The following PAXBP1 variants were observed in gnomAD, a reference collection of about 807,000 sequenced individuals.
The protein encoded by PAXBP1 is PAX3- and PAX7-binding protein 1.
Under a neutral mutation model 119.9 loss-of-function variants are expected in PAXBP1, and 44 were observed. The observed-to-expected ratio is 0.37, with a 90% CI of 0.29 to 0.47. The LOEUF is 0.47. Ranked by LOEUF, PAXBP1 falls within the 20% of genes least tolerant of loss-of-function variation. PAXBP1 has a pLI of 0.99. For synonymous variants in PAXBP1, 393 were observed against 406.6 expected (o/e 0.97, Z 0.40); for missense variants, 898 against 1,134.1 (o/e 0.79, Z 2.99).
At chr21:32,740,057 G>T (rs1399376175) in intron 15 of PAXBP1, among the ~76,000 whole-genome samples, 4 of 150,742 alleles carry the variant, frequency 2.7e-5, no homozygotes, top group Admixed American at 2.6e-4. Flanking sequence ...AATGGACTGT[G>T]AAAGGGAAAT....
In PAXBP1 at chr21:32,760,902, C is replaced by CGTGCGTGTGTGTGT. The variant is rs1491165069; in HGVS notation, c.975+156_975+157insACACACACACGCAC. On this transcript the variant is annotated intron_variant, in intron 5 of 17. Coordinates refer to ENST00000331923, the MANE Select transcript of PAXBP1 (RefSeq NM_016631.4). ...CTACGTGTCTCTGTGTGCGTGCGTGCGTGTGTGTGTGTGTGTGTGTGTGTG... is the reference window on the plus strand; with the variant it reads ...CTACGTGTCTCTGTGTGCGTGCGTGCGTGCGTGTGTGTGTGTGTGTGTGTGTGTGTGTGTGTGTG... Among the ~76,000 whole-genome samples, 57 of 127,786 alleles carry CGTGCGTGTGTGTGT rather than the reference C, an allele frequency of 4.5e-4. No homozygotes were observed. The East Asian group carries it at 7.4e-3, about 16-fold the overall frequency. 83.8% of individuals were successfully genotyped at this position (127,786 alleles called of 152,430 possible).
At chr21:32,752,763 C>T (rs529129038) in intron 8 of PAXBP1, among the ~76,000 whole-genome samples, 101 of 152,292 alleles carry the variant, frequency 6.6e-4, no homozygotes, top group African/African-American at 2.4e-3. Flanking sequence ...CCTCAGCCTC[C>T]TCCTGAGTAG....
intron 11 of PAXBP1, 93 bp from the exon 12 acceptor site, chr21:32,745,811 T>C: frequency 1.3e-6 from 2 of 1,499,642 alleles, no homozygotes; most frequent in Non-Finnish European, 1.8e-6. Flanking sequence ...GATTTAACCT[T>C]TGGTTGCAAA....
Position 32,743,717 on chromosome 21 carries a change from G to A in PAXBP1, c.2228C>T (p.Thr743Ile). The change falls in exon 14 of 18, where the codon ACT (threonine) becomes ATT (isoleucine). Residue 743 changes from threonine (T) to isoleucine (I), a missense_variant. Coordinates refer to ENST00000331923, the MANE Select transcript of PAXBP1 (RefSeq NM_016631.4). ...GGGCATAAATACATCATCATCTAAA[G>A]TTCTTCTCATTCTCAATAAAAGTGC... is the stretch of plus-strand genomic sequence containing the variant. ...LKALLLRMRR[T>I]LDDDVFMPLY... 2 of 1,595,346 alleles carry A rather than the reference G, an allele frequency of 1.3e-6. No individual in the cohort carries two copies. The highest frequency in any genetic ancestry group is 2.2e-5 in the East Asian group (1 of 44,574).
chr21:32,743,809 A>C, intron 13 of PAXBP1, 55 bp from the exon 14 acceptor site: 1 of 998,238 alleles, frequency 1.0e-6, no homozygotes, highest in South Asian at 1.5e-5. Context: ...CAAGAAAAAT[A>C]AGCCATATTC....
intron 2 of PAXBP1, 59 bp downstream of exon 2, chr21:32,769,755 C>T (rs1297991464): frequency 3.8e-6 from 6 of 1,565,602 alleles, no homozygotes. Flanking sequence ...CAGCAAATCA[C>T]TGTGAGAAAG....
chr21:32,764,008 A>C (rs915156155), intron 3 of PAXBP1, among the ~76,000 whole-genome samples: 4 of 152,094 alleles, frequency 2.6e-5, no homozygotes, highest in Non-Finnish European at 5.9e-5. Context: ...AAAAAAAAAA[A>C]AAAACTAACA....
chr21:32,767,024 T>C (rs1441773096), intron 2 of PAXBP1, among the ~76,000 whole-genome samples: 2 of 152,224 alleles, frequency 1.3e-5, no homozygotes, highest in Non-Finnish European at 2.9e-5. Flanking sequence ...TAGAAGTCTT[T>C]GGTCTTCAGG....
intron 7 of PAXBP1, chr21:32,756,083 A>G (rs2044038434): frequency 9.2e-6 from 2 of 216,974 alleles, no homozygotes; most frequent in Admixed American, 1.1e-4. Context: ...GTGAACTTAC[A>G]AAGTCAATAA....
intron 3 of PAXBP1, among the ~76,000 whole-genome samples, 192 bp downstream of exon 3, chr21:32,764,156 A>T (rs1040014657): frequency 6.6e-6 from 1 of 152,210 alleles, no homozygotes; most frequent in Admixed American, 6.5e-5. Flanking sequence ...CTGTCTGTGA[A>T]TAAACTTGGA....
chr21:32,764,804 T>C (rs2044213715), intron 2 of PAXBP1, among the ~76,000 whole-genome samples: 1 of 152,202 alleles, frequency 6.6e-6, no homozygotes, highest in South Asian at 2.1e-4. Flanking sequence ...CATTCCACCT[T>C]CAGTTAATTT....
chr21:32,761,509 T>C (rs906141753), intron 4 of PAXBP1, among the ~76,000 whole-genome samples: 1 of 152,246 alleles, frequency 6.6e-6, no homozygotes, highest in Non-Finnish European at 1.5e-5. Context: ...AGCTGCACAA[T>C]AAATGTTCAA....
At chr21:32,766,427 C>T (rs569545130) in intron 2 of PAXBP1, among the ~76,000 whole-genome samples, 1 of 152,256 alleles carries the variant, frequency 6.6e-6, no homozygotes, top group South Asian at 2.1e-4. Context: ...TCATTTACTA[C>T]TACTTCAGGA....
chr21:32,771,217 A>C (rs901521468), intron 1 of PAXBP1, 109 bp downstream of exon 1: 4 of 1,036,926 alleles, frequency 3.9e-6, no homozygotes, highest in Middle Eastern at 3.3e-4. Flanking sequence ...ACGGCAGGGG[A>C]CTCCGTTCCA....
chr21:32,749,410 G>A (rs1341668141), intron 10 of PAXBP1, among the ~76,000 whole-genome samples: 1 of 151,984 alleles, frequency 6.6e-6, no homozygotes, highest in Admixed American at 6.6e-5. Context: ...AGCCAGGCTG[G>A]TCTCGAATTC....
chr21:32,753,160 T>A (rs1395292522), intron 8 of PAXBP1, among the ~76,000 whole-genome samples: 1 of 151,962 alleles, frequency 6.6e-6, no homozygotes, highest in Admixed American at 6.6e-5. Flanking sequence ...GAAATATTTT[T>A]AAAAATATCA....
Position 32,734,292 on chromosome 21 carries a change from C to T in PAXBP1, c.*658G>A, listed in dbSNP as rs922941546. ...TTTATTATTTTCAAAAGTGAAATTTCTATGTTCCATTTGAAACTATGTTGC... is the reference window on the plus strand; with the variant it reads ...TTTATTATTTTCAAAAGTGAAATTTTTATGTTCCATTTGAAACTATGTTGC... On this transcript the variant is annotated 3_prime_UTR_variant, in exon 18 of 18. Coordinates refer to ENST00000331923, the MANE Select transcript of PAXBP1 (RefSeq NM_016631.4). The T allele has an allele frequency of 5.9e-5, 9 of 152,678 alleles. No individual in the cohort carries two copies. Among genetic ancestry groups the T allele is most frequent in the African/African-American group, 2.2e-4 (9 of 41,456 alleles). The allele number at this position is 152,678 out of a possible 1,614,324, so 9.5% of individuals were successfully genotyped here. A position where few individuals can be genotyped will look rare whatever the true frequency, so the allele number is the denominator to read the frequency against.
chr21:32,762,516 T>A (rs1302341142), intron 3 of PAXBP1, among the ~76,000 whole-genome samples, 199 bp from the exon 4 acceptor site: 5 of 152,044 alleles, frequency 3.3e-5, no homozygotes, highest in Admixed American at 3.3e-4. Context: ...CTGAGGAAAC[T>A]AAAAAGAACA....
intron 15 of PAXBP1, chr21:32,742,719 G>C (rs941622585): frequency 2.1e-5 from 5 of 240,430 alleles, no homozygotes; most frequent in Non-Finnish European, 4.1e-5. Context: ...GTTTCAGTCA[G>C]CTGTGGCACA....
Sources: allele counts gnomAD v4.1 joint callset (sites outside exome capture counted in the v4.1 genomes callset), GRCh38; gene constraint gnomAD v4.1.1; transcripts MANE v1.5; gene names NCBI Gene and HGNC (gene_info 2026-07-23, HGNC 2026-07-21).